The following NINJ2 variants were observed in gnomAD, a reference collection of about 807,000 sequenced individuals.
NINJ2 encodes ninjurin 2.
NINJ2 carries 12 observed loss-of-function variants against 11.7 expected under a neutral mutation model. The ratio of observed to expected loss-of-function variants is 1.02; its 90% CI spans 0.66 to 1.66. The LOEUF is 1.66. NINJ2 is among the 40% of genes most tolerant of loss of function. The pLI, the probability that NINJ2 is intolerant of heterozygous loss-of-function variation, is 0.00. For missense variants in NINJ2, 187 were observed against 181.8 expected (o/e 1.03, Z -0.16); for synonymous variants, 93 against 76.8 (o/e 1.21, Z -1.10).
At chr12:654,461 C>T (rs567700369) in intron 1 of NINJ2, among the ~76,000 whole-genome samples, 17 of 146,902 alleles carry the variant, frequency 1.2e-4, no homozygotes, top group Non-Finnish European at 2.5e-4. Context: ...GCAGAGGTTG[C>T]GGTGAGCCGA....
At chr12:626,184 G>GGCAA (rs1332761660) in intron 1 of NINJ2, among the ~76,000 whole-genome samples, 6 of 152,216 alleles carry the variant, frequency 3.9e-5, no homozygotes, top group Non-Finnish European at 8.8e-5. Context: ...CACTGGTCCT[G>GGCAA]GCAAGCATTA....
intron 1 of NINJ2, among the ~76,000 whole-genome samples, chr12:646,318 G>T (rs2120512237): frequency 6.6e-6 from 1 of 152,320 alleles, no homozygotes; most frequent in East Asian, 1.9e-4. Flanking sequence ...ACTGCCCCTT[G>T]AGGGCCTGAA....
rs562627634 is a variant in NINJ2 at position 572,060 on chromosome 12, T to C, written c.34-5882A>G. Among the ~76,000 whole-genome samples the C allele has an allele frequency of 8.7e-4, 133 of 152,364 alleles. 1 individual carries two copies. Among genetic ancestry groups the C allele is most frequent in the South Asian group, 6.2e-3 (30 of 4,830 alleles). ...TGACCACATTCCAGCCCTGCTTTAATGAGTGAGCAATCCGGGCCGGGAGCA... is the reference window on the plus strand; with the variant it reads ...TGACCACATTCCAGCCCTGCTTTAACGAGTGAGCAATCCGGGCCGGGAGCA... On this transcript the variant is annotated intron_variant, in intron 1 of 3. Coordinates refer to ENST00000305108, the MANE Select transcript of NINJ2 (RefSeq NM_016533.6).
At chr12:586,918 G>A (rs1947646410) in intron 1 of NINJ2, among the ~76,000 whole-genome samples, 1 of 152,200 alleles carries the variant, frequency 6.6e-6, no homozygotes, top group African/African-American at 2.4e-5. Context: ...TGGTATTGTG[G>A]AATGGAGTTG....
chr12:584,430 G>A (rs1251545932), intron 1 of NINJ2, among the ~76,000 whole-genome samples: 1 of 152,158 alleles, frequency 6.6e-6, no homozygotes, highest in African/African-American at 2.4e-5. Context: ...CAGCACTATG[G>A]GAGGCTGAGC....
intron 1 of NINJ2, among the ~76,000 whole-genome samples, chr12:596,511 G>A (rs1377044710): frequency 3.9e-5 from 6 of 152,040 alleles, no homozygotes; most frequent in African/African-American, 7.3e-5. Flanking sequence ...TCCCAATTTC[G>A]CTATGAATTT....
rs1948070080 is a variant in NINJ2 at position 614,539 on chromosome 12, T to C, written c.34-48361A>G. Among the ~76,000 whole-genome samples, 1 of 152,180 alleles carries C rather than the reference T, an allele frequency of 6.6e-6. No individual in the cohort carries two copies. The highest frequency in any genetic ancestry group is 2.1e-4 in the South Asian group (1 of 4,826). ...TCTTCCCTCACAGTCCTGCCGGGCC[T>C]GGCTCCCTCCCTCTGTCTTCTTCCC... On this transcript the variant is annotated intron_variant, in intron 1 of 3. Transcript: ENST00000305108. This position sits in a 1 kb window ranked among gnomAD's most constrained non-coding sequence, Gnocchi z 5.1.
intron 1 of NINJ2, among the ~76,000 whole-genome samples, chr12:571,728 C>T (rs565568017): frequency 2.6e-5 from 4 of 152,322 alleles, no homozygotes; most frequent in South Asian, 2.1e-4. Context: ...GAAAGGAATG[C>T]CTTTTTTAAC....
Position 594,745 on chromosome 12 carries a change from C to T in NINJ2, c.34-28567G>A, listed in dbSNP as rs181937480. On this transcript the variant is annotated intron_variant, in intron 1 of 3. Transcript: ENST00000305108. ...AAAGACTCAATATTTGTCAAGACAT[C>T]GGTTCTTCCTAACTTGATCTATAGA... Among the ~76,000 whole-genome samples the T allele has an allele frequency of 8.7e-4, 133 of 152,298 alleles. 1 individual carries two copies. Among genetic ancestry groups the T allele is most frequent in the African/African-American group, 3.1e-3 (127 of 41,558 alleles).
chr12:595,478 T>G (rs962794742), intron 1 of NINJ2, among the ~76,000 whole-genome samples: 1 of 152,142 alleles, frequency 6.6e-6, no homozygotes, highest in African/African-American at 2.4e-5. Flanking sequence ...GGAGTAAATA[T>G]TTGCAAAAAA....
At chr12:641,861 A>G (rs1318788391) in intron 1 of NINJ2, among the ~76,000 whole-genome samples, 2 of 146,150 alleles carry the variant, frequency 1.4e-5, no homozygotes, top group Non-Finnish European at 3.0e-5. Flanking sequence ...AAAAAAAAAA[A>G]AGCAGGCTGT....
intron 1 of NINJ2, among the ~76,000 whole-genome samples, chr12:607,764 T>C (rs969686744): frequency 2.6e-5 from 4 of 152,222 alleles, no homozygotes; most frequent in Admixed American, 1.3e-4. Flanking sequence ...TCCAAATTGC[T>C]TTTTCAGGCA....
intron 1 of NINJ2, among the ~76,000 whole-genome samples, chr12:607,557 A>G (rs965603854): frequency 2.0e-5 from 3 of 152,206 alleles, no homozygotes; most frequent in Non-Finnish European, 4.4e-5. Context: ...TACTCAGCCC[A>G]GGTGTTGACA....
intron 1 of NINJ2, among the ~76,000 whole-genome samples, chr12:584,661 C>T (rs1947607417): frequency 1.3e-5 from 2 of 151,362 alleles, no homozygotes. Flanking sequence ...CAAAATTTAG[C>T]CGGGTGTGGT....
chr12:590,462 C>A (rs1947702953), intron 1 of NINJ2, among the ~76,000 whole-genome samples: 1 of 152,224 alleles, frequency 6.6e-6, no homozygotes, highest in African/African-American at 2.4e-5. Context: ...TTTGTGCCTT[C>A]ATAGTCTAAA....
At chr12:588,245 G>A (rs999916025) in intron 1 of NINJ2, among the ~76,000 whole-genome samples, 2 of 151,972 alleles carry the variant, frequency 1.3e-5, no homozygotes, top group Non-Finnish European at 2.9e-5. Flanking sequence ...GGGAGGGAAG[G>A]GAGGAGGAGA....
rs377140055 is a variant in NINJ2, at chr12:565,419, G to T, written c.263-18C>A. The T allele has an allele frequency of 1.2e-5, 20 of 1,611,676 alleles. No individual in the cohort carries two copies. The highest frequency in any genetic ancestry group is 1.6e-5 in the Non-Finnish European group (19 of 1,179,004). On this transcript the variant is annotated intron_variant, in intron 2 of 3. Transcript: ENST00000305108. ...CAGCCGTGCTGCAGGGAAGTGGAGT[G>T]GGGGGAAAGGGTCAGAGACGGGGCC... is the stretch of plus-strand genomic sequence containing the variant.
chr12:628,734 C>T lies in NINJ2; in HGVS notation c.33+34594G>A, dbSNP rs185211441. On this transcript the variant is annotated intron_variant, in intron 1 of 3. Coordinates refer to ENST00000305108, the MANE Select transcript of NINJ2 (RefSeq NM_016533.6). The surrounding 1 kb of genome is among the most constrained non-coding windows in gnomAD (Gnocchi z 4.4). ...ATGCAGTAAGGAAGCCTGCCAAAAC[C>T]CACCAAAACCAAGATGGCAATGAAA... Among the ~76,000 whole-genome samples the T allele has an allele frequency of 2.1e-4, 32 of 152,232 alleles. No homozygotes were observed. In the East Asian group the frequency reaches 6.0e-3, roughly 28 times the overall value.
intron 1 of NINJ2, among the ~76,000 whole-genome samples, chr12:576,434 G>A (rs1433883496): frequency 2.6e-5 from 4 of 152,108 alleles, no homozygotes; most frequent in Non-Finnish European, 4.4e-5. Context: ...GTGTAGGGAA[G>A]AACAGGAAAG....
Sources: allele counts gnomAD v4.1 joint callset (sites outside exome capture counted in the v4.1 genomes callset), GRCh38; gene constraint gnomAD v4.1.1; non-coding constraint Gnocchi (gnomAD v3.1); transcripts MANE v1.5; gene names NCBI Gene and HGNC (gene_info 2026-07-23, HGNC 2026-07-21).